The following MAPKAP1 variants were observed in gnomAD, a reference collection of about 807,000 sequenced individuals.
MAPKAP1 encodes the protein target of rapamycin complex 2 subunit MAPKAP1.
A neutral mutation model predicts 65.7 loss-of-function variants in MAPKAP1; 20 were observed. That is an observed-to-expected ratio of 0.30 (90% CI 0.21 to 0.44). The LOEUF is 0.44. Among genes scored for constraint, MAPKAP1 ranks in the 20% least tolerant of loss-of-function variants. The probability of loss-of-function intolerance (pLI) is 1.00; values close to 1 mark genes in which losing one functional copy is unlikely to be tolerated. For synonymous variants in MAPKAP1, 222 were observed against 244.3 expected, an observed-to-expected ratio of 0.91 and a Z score of 0.85; for missense variants, 423 against 648.0, an observed-to-expected ratio of 0.65 and a Z score of 3.77.
Position 125,682,593 on chromosome 9 carries a change from A to G in MAPKAP1, c.-69-9950T>C, listed in dbSNP as rs531071305. Among the ~76,000 whole-genome samples the G allele has an allele frequency of 2.6e-5, 4 of 152,306 alleles. No homozygotes were observed. In the East Asian group the frequency reaches 5.8e-4, roughly 22 times the overall value. ...ATGTGGCCCCTAAATTATTTTTCCA[A>G]TGGGTGTTGTCTCTCTGACATAATA... On this transcript the variant is annotated intron_variant, in intron 1 of 11. Transcript: ENST00000265960.
At chr9:125,693,755 ATATACACG>A (rs1835287845) in intron 1 of MAPKAP1, among the ~76,000 whole-genome samples, 3 of 149,194 alleles carry the variant, frequency 2.0e-5, no homozygotes, top group African/African-American at 7.6e-5. Context: ...ATATACACAT[ATATACACG>A]TATATACACA....
At chr9:125,488,773 G>T (rs1252060570) in intron 8 of MAPKAP1, among the ~76,000 whole-genome samples, 3 of 152,234 alleles carry the variant, frequency 2.0e-5, no homozygotes, top group Non-Finnish European at 2.9e-5. Context: ...GGGGACACTG[G>T]TGAGGATAAA....
chr9:125,596,048 T>G, intron 4 of MAPKAP1: 1 of 1,316,092 alleles, frequency 7.6e-7, no homozygotes, highest in East Asian at 2.3e-5. Context: ...TTGAACAGCG[T>G]GGAAAAACTG....
rs904729017 is a variant in MAPKAP1 at position 125,687,579 on chromosome 9, C to A, written c.-69-14936G>T. Among the ~76,000 whole-genome samples the A allele has an allele frequency of 4.0e-5, 6 of 151,488 alleles. No homozygotes were observed. In the South Asian group the frequency reaches 1.3e-3, roughly 32 times the overall value. On this transcript the variant is annotated intron_variant, in intron 1 of 11. Coordinates refer to ENST00000265960, the MANE Select transcript of MAPKAP1 (RefSeq NM_001006617.3). ...ATCACTTAAGGCGGGGAGTTTGAGACCAGCCTGGGCAACAGAGCAAGACCC... is the reference window on the plus strand; with the variant it reads ...ATCACTTAAGGCGGGGAGTTTGAGAACAGCCTGGGCAACAGAGCAAGACCC...
intron 9 of MAPKAP1, among the ~76,000 whole-genome samples, chr9:125,477,272 C>T (rs527506088): frequency 2.0e-5 from 3 of 152,148 alleles, no homozygotes; most frequent in Non-Finnish European, 4.4e-5. Flanking sequence ...GACATGGGAA[C>T]GGTCTACACT....
At chr9:125,676,616 G>A (rs1834652970) in intron 1 of MAPKAP1, among the ~76,000 whole-genome samples, 1 of 152,188 alleles carries the variant, frequency 6.6e-6, no homozygotes. Flanking sequence ...CTGGAGGAAG[G>A]TAGTAATGGG....
At chr9:125,570,849 C>A (rs1366629710) in intron 5 of MAPKAP1, among the ~76,000 whole-genome samples, 1 of 151,744 alleles carries the variant, frequency 6.6e-6, no homozygotes, top group East Asian at 1.9e-4. Flanking sequence ...GGGTACTATT[C>A]AATTTTTCCA....
At chr9:125,577,906 C>T (rs1387140132) in intron 5 of MAPKAP1, among the ~76,000 whole-genome samples, 2 of 151,274 alleles carry the variant, frequency 1.3e-5, no homozygotes, top group Admixed American at 6.6e-5. Context: ...CCCCTCTGCC[C>T]GGCCACCACC....
intron 9 of MAPKAP1, among the ~76,000 whole-genome samples, chr9:125,473,909 G>A (rs750781270): frequency 7.2e-5 from 11 of 152,224 alleles, no homozygotes; most frequent in South Asian, 2.1e-4. Flanking sequence ...TCTATAAAAC[G>A]GAGATGATAA....
chr9:125,549,217 A>C (rs1341832293), intron 6 of MAPKAP1, among the ~76,000 whole-genome samples: 1 of 152,244 alleles, frequency 6.6e-6, no homozygotes, highest in Non-Finnish European at 1.5e-5. Flanking sequence ...TGGTTTCAAA[A>C]GCCACAGTCT....
chr9:125,628,734 T>C (rs773654108), intron 4 of MAPKAP1, among the ~76,000 whole-genome samples: 16 of 151,974 alleles, frequency 1.1e-4, no homozygotes, highest in Non-Finnish European at 1.9e-4. Context: ...TATATCAAAC[T>C]CAAAAACTTC....
intron 7 of MAPKAP1, among the ~76,000 whole-genome samples, chr9:125,522,483 GAAC>G (rs2133118188): frequency 6.6e-6 from 1 of 152,328 alleles, no homozygotes; most frequent in South Asian, 2.1e-4. Context: ...TTGGCATAGT[GAAC>G]ACGGCACTCT....
chr9:125,665,076 C>T (rs1434071586), intron 3 of MAPKAP1, among the ~76,000 whole-genome samples: 2 of 151,864 alleles, frequency 1.3e-5, no homozygotes, highest in South Asian at 2.1e-4. Context: ...CCGAGGCGGG[C>T]GGATCACATG....
At chr9:125,704,946 T>C (rs917853063) in intron 1 of MAPKAP1, among the ~76,000 whole-genome samples, 7 of 152,204 alleles carry the variant, frequency 4.6e-5, no homozygotes, top group Non-Finnish European at 8.8e-5. Flanking sequence ...TGCTTGGAGT[T>C]ATGTGTCGAA....
At chr9:125,477,671 C>A (rs1300803348) in intron 9 of MAPKAP1, among the ~76,000 whole-genome samples, 1 of 152,192 alleles carries the variant, frequency 6.6e-6, no homozygotes, top group Non-Finnish European at 1.5e-5. Context: ...TTAGCTTCTG[C>A]CAGCCAGCCA....
At chr9:125,534,462 T>A (rs1011731255) in intron 7 of MAPKAP1, among the ~76,000 whole-genome samples, 1 of 152,358 alleles carries the variant, frequency 6.6e-6, no homozygotes, top group East Asian at 1.9e-4. Flanking sequence ...TTAGCTCTAA[T>A]GAAAGAAATC....
intron 3 of MAPKAP1, among the ~76,000 whole-genome samples, chr9:125,662,170 C>A (rs1195686686): frequency 6.6e-6 from 1 of 151,950 alleles, no homozygotes; most frequent in Non-Finnish European, 1.5e-5. Context: ...TCACTTGAGC[C>A]CAGGAGTTCA....
At chr9:125,638,359 C>T (rs993962037) in intron 4 of MAPKAP1, among the ~76,000 whole-genome samples, 1 of 152,082 alleles carries the variant, frequency 6.6e-6, no homozygotes, top group African/African-American at 2.4e-5. Context: ...ATCTGACAGA[C>T]ACTGAGAAGG....
At chr9:125,693,427 AT>A (rs563617591) in intron 1 of MAPKAP1, among the ~76,000 whole-genome samples, 14,861 of 76,952 alleles carry the variant, frequency 0.19, 2,398 homozygotes, top group African/African-American at 0.44. Flanking sequence ...AAAAAAAAAA[AT>A]ATATATATAT....
Sources: gnomAD v4.1 joint callset for allele counts (sites outside exome capture counted in the v4.1 genomes callset) on GRCh38, gnomAD v4.1.1 for gene constraint, MANE v1.5 for transcripts, NCBI Gene and HGNC (gene_info 2026-07-23, HGNC 2026-07-21) for gene names.